The following POLG variants were observed in gnomAD, a reference collection of about 807,000 sequenced individuals.
POLG encodes the protein DNA polymerase subunit gamma-1.
In POLG, 110 loss-of-function variants were observed where a neutral mutation model predicts 155.4. The observed-to-expected ratio is 0.71, with a 90% CI of 0.61 to 0.83. The LOEUF is 0.83. Ranked by LOEUF, POLG falls within the 40% of genes least tolerant of loss-of-function variation. The pLI is 0.00. For synonymous variants in POLG, 701 were observed against 631.5 expected (o/e 1.11, Z -1.65); for missense variants, 1,685 against 1,627.5 (o/e 1.04, Z -0.61).
At position 89,319,110 on chromosome 15, in the gene POLG, A is replaced by G. The variant is rs2302084; in HGVS notation, c.3105-11T>C. On this transcript the variant is annotated splice_polypyrimidine_tract_variant and intron_variant, in intron 19 of 22. Transcript: ENST00000268124. ...TTCTTCCACTGTGACCTAAGGGACC[A>G]GAAACAGAGGGCAGACTTTGTCTTT... 0.38 allele frequency: 613,245 copies of G among 1,613,784 alleles called. 119,307 individuals are homozygous for G. Among genetic ancestry groups the G allele is most frequent in the South Asian group, 0.4 (36,220 of 91,058 alleles).
At position 89,323,907 on chromosome 15, in the gene POLG, G is replaced by A. The variant is rs1483965991; in HGVS notation, c.2071-6C>T. On this transcript the variant is annotated splice_region_variant and splice_polypyrimidine_tract_variant and intron_variant, in intron 11 of 22. Coordinates refer to ENST00000268124, the MANE Select transcript of POLG (RefSeq NM_002693.3). ...AAGTAATCCAGTTCTTCTACCTGGA[G>A]CAGTCCAAGGACCAAAGTAGTGAAG... The A allele has an allele frequency of 2.5e-6, 4 of 1,609,856 alleles. No homozygotes were observed. Among genetic ancestry groups the A allele is most frequent in the East Asian group, 2.2e-5 (1 of 44,878 alleles).
In POLG at chr15:89,333,595, G is replaced by GC. The variant is rs796052877; in HGVS notation, c.159_160insG (p.Gln54AlafsTer190). 7 of 1,605,718 alleles carry GC rather than the reference G, an allele frequency of 4.4e-6. No homozygotes were observed. The highest frequency in any genetic ancestry group is 1.7e-5 in the Admixed American group (1 of 59,710). ...AGCACTTGCGGCTGCTGAGGCTGCTGTTGCTGCTGCTGCTGCTGCTGCTGC... is the reference window on the plus strand; with the variant it reads ...AGCACTTGCGGCTGCTGAGGCTGCTGCTTGCTGCTGCTGCTGCTGCTGCTGC... On this transcript the variant is annotated frameshift_variant, in exon 2 of 23. Transcript: ENST00000268124. LOFTEE classifies it high-confidence loss of function.
At position 89,322,781 on chromosome 15, in the gene POLG, T is replaced by C. The variant is rs2055414967; in HGVS notation, c.2387A>G (p.Lys796Arg). 2 of 1,614,168 alleles carry C rather than the reference T, an allele frequency of 1.2e-6. No individual in the cohort carries two copies. Among genetic ancestry groups the C allele is most frequent in the Non-Finnish European group, 1.7e-6 (2 of 1,180,020 alleles). ...GGCGTTCCTCCAGAAAGAAATCATT[T>C]TGTTGATTTCCAGAGCACGGGGCCC... is the stretch of plus-strand genomic sequence containing the variant. ...ASGPRALEIN[K>R]MISFWRNAHK... Residue 796 changes from lysine to arginine, a missense_variant, in exon 14 of 23, where the codon AAA (lysine) becomes AGA (arginine). By Grantham distance (26) the Lys-to-Arg change is conservative (BLOSUM62 2). Around this residue, in one of 3 missense-constraint regions of POLG, gnomAD observed 1,210 missense variants for 1,167.1 expected, o/e 1.04. Coordinates refer to ENST00000268124, the MANE Select transcript of POLG (RefSeq NM_002693.3).
chr15:89,317,889 T>G (rs1211903895), intron 21 of POLG: 3 of 363,376 alleles, frequency 8.3e-6, no homozygotes, highest in East Asian at 6.9e-5. Flanking sequence ...AGATGATGAT[T>G]AAGAGGGCAA....
rs1053731071 is a variant in POLG at position 89,317,553 on chromosome 15, C to G, written c.3483-17G>C. On this transcript the variant is annotated splice_polypyrimidine_tract_variant and intron_variant, in intron 21 of 22. Coordinates refer to ENST00000268124, the MANE Select transcript of POLG (RefSeq NM_002693.3). ...AACATGCACCTGAAAGAGACCCAAT[C>G]TACTCTCACAGTCATGCCCCTCCTG... is the stretch of plus-strand genomic sequence containing the variant. 3 of 1,613,362 alleles carry G rather than the reference C, an allele frequency of 1.9e-6. No individual in the cohort carries two copies. The highest frequency in any genetic ancestry group is 3.3e-5 in the Admixed American group (2 of 60,026).
At chr15:89,324,890 C>A (rs545268899) in intron 10 of POLG, among the ~76,000 whole-genome samples, 1 of 152,300 alleles carries the variant, frequency 6.6e-6, no homozygotes, top group South Asian at 2.1e-4. Flanking sequence ...AACAGCCCTC[C>A]GCATGTTCCT....
At chr15:89,325,383 G>A in intron 10 of POLG, 67 bp downstream of exon 10, 3 of 1,146,148 alleles carry the variant, frequency 2.6e-6, no homozygotes, top group Non-Finnish European at 3.9e-6. Context: ...CCACTAGCCT[G>A]AGCTGACCAG....
Position 89,316,383 on chromosome 15 carries a change from C to G in POLG, c.*368G>C, listed in dbSNP as rs148365638. 361 of 1,606,514 alleles carry G rather than the reference C, an allele frequency of 2.2e-4. 4 individuals carry two copies. In the African/African-American group the frequency reaches 4.4e-3, roughly 19 times the overall value. On this transcript the variant is annotated 3_prime_UTR_variant, in exon 23 of 23. Coordinates refer to ENST00000268124, the MANE Select transcript of POLG (RefSeq NM_002693.3). ...GGTTTATCACGTTAGAGCATTAATT[C>G]TTTCCCCTTCTAGGGCACTGCATCA...
Position 89,330,104 on chromosome 15 carries a change from T to C in POLG, c.832A>G (p.Ile278Val), listed in dbSNP as rs1017553012. ...ACCTGGATCAGGTACTGCTCCCTGA[T>C]ATGAGCTCGGTCAAAGGAAACATTG... ...GHNVSFDRAHIREQYLIQGSR... is the reference protein window; with the variant it reads ...GHNVSFDRAHVREQYLIQGSR... The change falls in exon 3 of 23, where the codon ATC becomes GTC. Residue 278 changes from isoleucine (I) to valine (V), a missense_variant. This residue lies in a region of POLG where 1,210 missense variants were observed against 1,167.1 expected (regional missense o/e 1.04). Transcript: ENST00000268124. The C allele has an allele frequency of 7.4e-6, 12 of 1,614,042 alleles. No homozygotes were observed. The highest frequency in any genetic ancestry group is 1.0e-5 in the Non-Finnish European group (12 of 1,180,036).
At chr15:89,317,691 G>T in intron 21 of POLG, 155 bp from the exon 22 acceptor site, 1 of 742,194 alleles carries the variant, frequency 1.3e-6, no homozygotes, top group Non-Finnish European at 2.4e-6. Context: ...TGAAGGTCCA[G>T]CACTGTTTTC....
At position 89,316,694 on chromosome 15, in the gene POLG, A is replaced by G; in HGVS notation, c.*57T>C. On this transcript the variant is annotated 3_prime_UTR_variant, in exon 23 of 23. Coordinates refer to ENST00000268124, the MANE Select transcript of POLG (RefSeq NM_002693.3). ...GCACAGCTGAAAGCCTGAGTTTGGG[A>G]GCCTGCACCACCCCGATGAAGCTCC... The G allele has an allele frequency of 7.1e-7, 1 of 1,408,332 alleles. No individual in the cohort carries two copies. The highest frequency in any genetic ancestry group is 2.3e-5 in the East Asian group (1 of 43,482). 87.2% of individuals were successfully genotyped at this position (1,408,332 alleles called of 1,614,324 possible). A position where few individuals can be genotyped will look rare whatever the true frequency, so the allele number is the denominator to read the frequency against.
rs766414821 is a variant in POLG, at chr15:89,329,093, G to A, written c.873C>T (p.Phe291=). The change falls in exon 4 of 23, where the codon TTC becomes TTT. Residue 291 remains phenylalanine (F), a synonymous_variant. Coordinates refer to ENST00000268124, the MANE Select transcript of POLG (RefSeq NM_002693.3). ...CCATGTGCATGCTCATGGTGTCCAG[G>A]AAACGCATGCGGGAACCCTGAGGAG... The part of the protein sequence containing the change: ...QYLIQGSRMR[F]LDTMSMHMAI... The A allele has an allele frequency of 6.2e-7, 1 of 1,612,484 alleles. No individual in the cohort carries two copies. The highest frequency in any genetic ancestry group is 8.5e-7 in the Non-Finnish European group (1 of 1,179,988).
At chr15:89,319,936 A>C (rs2055369592) in intron 18 of POLG, among the ~76,000 whole-genome samples, 1 of 152,006 alleles carries the variant, frequency 6.6e-6, no homozygotes, top group Admixed American at 6.6e-5. Context: ...CTTCCCCACC[A>C]CCTGCACCCA....
intron 1 of POLG, 23 bp from the exon 2 acceptor site, chr15:89,333,936 A>T: frequency 1.5e-6 from 1 of 670,202 alleles, no homozygotes; most frequent in Non-Finnish European, 2.5e-6. Flanking sequence ...GATGATATAA[A>T]GCGTTATTTT....
chr15:89,331,398 A>G (rs892540600), intron 2 of POLG, among the ~76,000 whole-genome samples: 4 of 152,192 alleles, frequency 2.6e-5, no homozygotes, highest in Admixed American at 2.0e-4. Context: ...GGTAACAGGA[A>G]CTTTGGTTAC....
chr15:89,318,766 G>A lies in POLG; in HGVS notation c.3274-17C>T, dbSNP rs1175810949. ...GGTCATAAACTGGGAAGGGAAGGTGGGCAGAGGTGAAAGGGGCTATGCTAC... is the reference window on the plus strand; with the variant it reads ...GGTCATAAACTGGGAAGGGAAGGTGAGCAGAGGTGAAAGGGGCTATGCTAC... On this transcript the variant is annotated splice_polypyrimidine_tract_variant and intron_variant, in intron 20 of 22. Transcript: ENST00000268124. 7 of 1,610,498 alleles carry A rather than the reference G, an allele frequency of 4.3e-6. No homozygotes were observed. In the Admixed American group the frequency reaches 1.0e-4, roughly 23 times the overall value.
At position 89,319,295 on chromosome 15, in the gene POLG, C is replaced by G; in HGVS notation, c.3037G>C (p.Asp1013His). The change falls in exon 19 of 23, where the codon GAC becomes CAC. Residue 1013 changes from aspartate to histidine, a missense_variant. Coordinates refer to ENST00000268124, the MANE Select transcript of POLG (RefSeq NM_002693.3). ...WLVRELNLPV[D>H]RTEGGWISLQ... ...GAAATCCAGCCACCCTCAGTCCTGT[C>G]CACTGGGAGGTTCAACTCCCTCACC... 3 of 1,614,200 alleles carry G rather than the reference C, an allele frequency of 1.9e-6. No individual in the cohort carries two copies. Among genetic ancestry groups the G allele is most frequent in the Non-Finnish European group, 2.5e-6 (3 of 1,180,026 alleles).
At position 89,333,866 on chromosome 15, in the gene POLG, T is replaced by C; in HGVS notation, c.-112A>G. On this transcript the variant is annotated 5_prime_UTR_variant, in exon 2 of 23. Transcript: ENST00000268124. ...AGAGAGACACGTCCTGTCTCTGCTC[T>C]CCTGTCAGTGAAATGGGTTTGACCA... 1 of 1,295,492 alleles carries C rather than the reference T, an allele frequency of 7.7e-7. No individual in the cohort carries two copies. The highest frequency in any genetic ancestry group is 1.1e-6 in the Non-Finnish European group (1 of 932,296). The allele number at this position is 1,295,492 out of a possible 1,614,324, so 80.2% of individuals were successfully genotyped here. A position where few individuals can be genotyped will look rare whatever the true frequency, so the allele number is the denominator to read the frequency against.
At chr15:89,331,647 T>C (rs572428119) in intron 2 of POLG, among the ~76,000 whole-genome samples, 26 of 152,346 alleles carry the variant, frequency 1.7e-4, no homozygotes, top group African/African-American at 5.5e-4. Context: ...GGGAGGCTCA[T>C]AGCTGACTAC....
Sources: gnomAD v4.1 joint callset for allele counts (sites outside exome capture counted in the v4.1 genomes callset) on GRCh38, gnomAD v4.1.1 for gene constraint, gnomAD v4.1.1 regional missense constraint, MANE v1.5 for transcripts, NCBI Gene and HGNC (gene_info 2026-07-23, HGNC 2026-07-21) for gene names.